Variants in USP10 observed in about 807,000 individuals in gnomAD.
The protein encoded by USP10 is ubiquitin carboxyl-terminal hydrolase 10.
USP10 carries 22 observed loss-of-function variants against 84.5 expected under a neutral mutation model. The ratio of observed to expected loss-of-function variants is 0.26; its 90% confidence interval spans 0.19 to 0.37. USP10 has a LOEUF of 0.37. USP10 is among the 10% of genes least tolerant of loss of function. USP10 has a pLI of 1.00. For missense variants in USP10, 1,019 were observed against 998.9 expected, an observed-to-expected ratio of 1.02 and a Z score of -0.27; for synonymous variants, 454 against 387.6, an observed-to-expected ratio of 1.17 and a Z score of -2.01.
In USP10 at chr16:84,772,656, A is replaced by T; in HGVS notation, c.2114A>T (p.Glu705Val). 1 of 1,613,974 alleles carries T rather than the reference A, an allele frequency of 6.2e-7. No individual in the cohort carries two copies. Among genetic ancestry groups the T allele is most frequent in the Non-Finnish European group, 8.5e-7 (1 of 1,179,894 alleles). ...GGCQKLIKNI[E>V]YPVDLEISKE... is the part of the protein sequence containing the mutation. ...TGCCAGAAGCTTATCAAAAATATTG[A>T]ATATCCTGTGGACTTGGAAATTAGT... The change falls in exon 12 of 14, where the codon GAA becomes GTA. Residue 705 changes from glutamate (E) to valine (V), a missense_variant. This residue lies in a region of USP10 where 232 missense variants were observed against 290.1 expected (regional missense o/e 0.80). Coordinates refer to ENST00000219473, the MANE Select transcript of USP10 (RefSeq NM_005153.3).
At chr16:84,771,836 C>G (rs903512414) in intron 11 of USP10, among the ~76,000 whole-genome samples, 13 of 152,126 alleles carry the variant, frequency 8.5e-5, no homozygotes, top group African/African-American at 2.9e-4. Context: ...CCACTGTACT[C>G]CAGCCTGGGC....
chr16:84,723,316 A>C lies in USP10; in HGVS notation c.22-10119A>C, dbSNP rs9940230. 1.1e-3 allele frequency among the ~76,000 whole-genome samples: 166 copies of C among 152,330 alleles called. 1 individual carries two copies. Among genetic ancestry groups the C allele is most frequent in the African/African-American group, 3.8e-3 (158 of 41,588 alleles). Reference sequence around the variant, plus strand: ...AAGCTTAATTCACTTACGTTGAATAAGTCTTATATTTTAAAATATAAGTTT... The same window carrying C: ...AAGCTTAATTCACTTACGTTGAATACGTCTTATATTTTAAAATATAAGTTT... On this transcript the variant is annotated intron_variant, in intron 1 of 13. Coordinates refer to ENST00000219473, the MANE Select transcript of USP10 (RefSeq NM_005153.3).
At chr16:84,771,204 T>C (rs550392538) in intron 11 of USP10, among the ~76,000 whole-genome samples, 113 of 152,356 alleles carry the variant, frequency 7.4e-4, no homozygotes, top group African/African-American at 2.7e-3. Context: ...TCATCAGACC[T>C]GTGAAAGTAC....
chr16:84,717,559 T>C (rs1907206500), intron 1 of USP10, among the ~76,000 whole-genome samples: 1 of 152,190 alleles, frequency 6.6e-6, no homozygotes, highest in South Asian at 2.1e-4. Context: ...GTTTGGTGAC[T>C]GTGAGCCATT....
At chr16:84,774,527 G>A (rs1484617418) in intron 12 of USP10, among the ~76,000 whole-genome samples, 6 of 137,708 alleles carry the variant, frequency 4.4e-5, no homozygotes, top group Non-Finnish European at 7.9e-5. Flanking sequence ...CTGGAGTGCA[G>A]TGGCGCGATC....
intron 3 of USP10, among the ~76,000 whole-genome samples, chr16:84,744,070 G>GTTC (rs35299797): frequency 6.6e-6 from 1 of 151,594 alleles, no homozygotes; most frequent in East Asian, 1.9e-4. Flanking sequence ...TGTTGTTGTT[G>GTTC]AATCTTTTTT....
At chr16:84,760,363 C>G (rs1246017505) in intron 8 of USP10, 88 bp downstream of exon 8, 1 of 1,189,888 alleles carries the variant, frequency 8.4e-7, no homozygotes, top group East Asian at 2.6e-5. Context: ...GATATTTGCC[C>G]TCTGTCTCCA....
intron 13 of USP10, among the ~76,000 whole-genome samples, chr16:84,775,503 G>A (rs1463256287): frequency 2.0e-5 from 3 of 152,180 alleles, no homozygotes; most frequent in Non-Finnish European, 1.5e-5. Flanking sequence ...TCCCAGGCTG[G>A]CTGTTTGAGA....
intron 1 of USP10, among the ~76,000 whole-genome samples, chr16:84,712,233 A>C (rs1371741780): frequency 6.6e-6 from 1 of 152,228 alleles, no homozygotes; most frequent in African/African-American, 2.4e-5. Context: ...CTCAGGAGGC[A>C]GTCAGCTGTG....
intron 11 of USP10, among the ~76,000 whole-genome samples, chr16:84,770,746 T>G (rs1914350823): frequency 7.2e-6 from 1 of 139,428 alleles, no homozygotes; most frequent in Non-Finnish European, 1.5e-5. Context: ...CAGTCCGGCC[T>G]GGGCGACAGA....
chr16:84,771,289 G>A (rs147995577), intron 11 of USP10, among the ~76,000 whole-genome samples: 9 of 152,128 alleles, frequency 5.9e-5, no homozygotes, highest in South Asian at 2.1e-4. Flanking sequence ...ACATCTAATT[G>A]GCCTGGAATC....
At chr16:84,756,502 A>G (rs536135388) in intron 4 of USP10, among the ~76,000 whole-genome samples, 1 of 152,322 alleles carries the variant, frequency 6.6e-6, no homozygotes, top group South Asian at 2.1e-4. Flanking sequence ...CTGAGGCAGG[A>G]AAATCACTTG....
At chr16:84,778,226 C>T (rs1005415972) in intron 13 of USP10, among the ~76,000 whole-genome samples, 8 of 152,006 alleles carry the variant, frequency 5.3e-5, no homozygotes, top group Admixed American at 1.3e-4. Context: ...CTCAAGCAAC[C>T]GTGGTTAGCA....
Position 84,734,185 on chromosome 16 carries a change from A to G in USP10, c.90+682A>G, listed in dbSNP as rs150931540. 1.6e-3 allele frequency among the ~76,000 whole-genome samples: 243 copies of G among 152,276 alleles called. 1 individual carries two copies. Among genetic ancestry groups the G allele is most frequent in the African/African-American group, 5.2e-3 (215 of 41,558 alleles). On this transcript the variant is annotated intron_variant, in intron 2 of 13. Coordinates refer to ENST00000219473, the MANE Select transcript of USP10 (RefSeq NM_005153.3). ...TGGACCGAGCCTCTTTAGTTTCACT[A>G]GAGACTGCTCGTTTGCTATCTAGGA...
intron 1 of USP10, among the ~76,000 whole-genome samples, chr16:84,729,349 G>C (rs1223509452): frequency 6.6e-6 from 1 of 152,150 alleles, no homozygotes; most frequent in Non-Finnish European, 1.5e-5. Context: ...TTTATTCTTA[G>C]GATTCCCCTA....
chr16:84,752,931 C>G (rs1298675555), intron 4 of USP10, among the ~76,000 whole-genome samples: 1 of 152,154 alleles, frequency 6.6e-6, no homozygotes, highest in African/African-American at 2.4e-5. Context: ...TTCTTACAAT[C>G]ATTCCTCTTA....
rs1241949885 is a variant in USP10 at position 84,757,404 on chromosome 16, T to G, written c.1193-1312T>G. On this transcript the variant is annotated intron_variant, in intron 4 of 13. Transcript: ENST00000219473. Reference sequence around the variant, plus strand: ...AAGGAGGGAATGAGAGGGGTGGGGGTGTGTGTGTGTGTGTGTGTGTGTGTG... The same window carrying G: ...AAGGAGGGAATGAGAGGGGTGGGGGGGTGTGTGTGTGTGTGTGTGTGTGTG... Among the ~76,000 whole-genome samples the G allele has an allele frequency of 2.6e-3, 100 of 37,930 alleles. 1 individual carries two copies. The South Asian group carries it at 0.042, about 16-fold the overall frequency. The allele number at this position is 37,930 out of a possible 152,430, so 24.9% of individuals were successfully genotyped here. A position where few individuals can be genotyped will look rare whatever the true frequency, so the allele number is the denominator to read the frequency against.
At position 84,700,035 on chromosome 16, in the gene USP10, G is replaced by C; in HGVS notation, c.-56G>C. On this transcript the variant is annotated 5_prime_UTR_variant, in exon 1 of 14. Coordinates refer to ENST00000219473, the MANE Select transcript of USP10 (RefSeq NM_005153.3). Reference sequence around the variant, plus strand: ...GTGCGGGCGAGAAGATGGCGGCGGCGGGGGAAGCAGCGTGAGCAGCCGGAG... The same window carrying C: ...GTGCGGGCGAGAAGATGGCGGCGGCCGGGGAAGCAGCGTGAGCAGCCGGAG... 2.2e-6 allele frequency: 3 copies of C among 1,341,282 alleles called. No individual in the cohort carries two copies. Among genetic ancestry groups the C allele is most frequent in the Non-Finnish European group, 2.0e-6 (2 of 1,022,858 alleles). 83.1% of individuals were successfully genotyped at this position (1,341,282 alleles called of 1,614,324 possible).
chr16:84,746,700 A>T (rs1281815199), intron 4 of USP10, among the ~76,000 whole-genome samples: 2 of 152,226 alleles, frequency 1.3e-5, no homozygotes, highest in African/African-American at 4.8e-5. Flanking sequence ...GGCCCAGGAC[A>T]GTACTGAGCA....
Sources: gnomAD v4.1 joint callset for allele counts (sites outside exome capture counted in the v4.1 genomes callset) on GRCh38, gnomAD v4.1.1 for gene constraint, gnomAD v4.1.1 regional missense constraint, MANE v1.5 for transcripts, NCBI Gene and HGNC (gene_info 2026-07-23, HGNC 2026-07-21) for gene names.